BCOR: variants seen among roughly 807,000 people sequenced by gnomAD.
BCOR encodes the protein BCL-6 corepressor.
In BCOR, 10 loss-of-function variants were observed where a neutral mutation model predicts 86.7. The ratio of observed to expected loss-of-function variants is 0.12; its 90% CI spans 0.07 to 0.20. The LOEUF is 0.20. BCOR is among the 10% of genes least tolerant of loss of function. The pLI is 1.00. For synonymous variants in BCOR, 611 were observed against 609.0 expected (o/e 1.00, Z -0.05); for missense variants, 1,259 against 1,452.1 (o/e 0.87, Z 2.16).
In BCOR at chrX:40,161,443, C is replaced by G. The variant is rs1020366751; in HGVS notation, c.-41+15564G>C. Among the ~76,000 whole-genome samples, 5 of 108,300 alleles carry G rather than the reference C, an allele frequency of 4.6e-5. No individual in the cohort carries two copies. In the Admixed American group the frequency reaches 5.0e-4, roughly 11 times the overall value. The allele number at this position is 108,300 out of a possible 115,157, so 94.0% of individuals were successfully genotyped here. A position where few individuals can be genotyped will look rare whatever the true frequency, so the allele number is the denominator to read the frequency against. On this transcript the variant is annotated intron_variant, in intron 1 of 14. Transcript: ENST00000342274. The stretch of plus-strand genomic sequence containing the variant: ...TCAAACCCCTGACCTCGTGATCCGC[C>G]CGCCTCGGCCTCCCAAAGTGCTGGG...
intron 1 of BCOR, among the ~76,000 whole-genome samples, chrX:40,134,537 C>T (rs1181286220): frequency 9.0e-6 from 1 of 111,233 alleles, no homozygotes; most frequent in Non-Finnish European, 1.9e-5. Context: ...GTGGGAGGAT[C>T]ACTTGAGCCC....
rs1403354721 is a variant in BCOR, at chrX:40,074,714, T to C, written c.632A>G (p.Asn211Ser). Reference protein sequence around the residue: ...PAIYPFLDSPNKYSLNMYKAL... With the variant: ...PAIYPFLDSPSKYSLNMYKAL... Reference sequence around the variant, plus strand: ...CTTGTACATGTTCAGTGAATACTTATTTGGCGAGTCGAGGAAAGGGTAGAT... The same window carrying C: ...CTTGTACATGTTCAGTGAATACTTACTTGGCGAGTCGAGGAAAGGGTAGAT... The change falls in exon 4 of 15, where the codon AAT (asparagine) becomes AGT (serine). Residue 211 changes from asparagine to serine, a missense_variant. This residue lies in a region of BCOR where 174 missense variants were observed against 189.3 expected (regional missense o/e 0.92). Coordinates refer to ENST00000378444, the MANE Select transcript of BCOR (RefSeq NM_001123385.2). 3.3e-6 allele frequency: 4 copies of C among 1,211,489 alleles called. No individual in the cohort carries two copies. The highest frequency in any genetic ancestry group is 1.8e-5 in the South Asian group (1 of 56,944).
chrX:40,145,646 G>A (rs1425589085), intron 1 of BCOR, among the ~76,000 whole-genome samples: 1 of 111,902 alleles, frequency 8.9e-6, no homozygotes, highest in Non-Finnish European at 1.9e-5. Context: ...TCAGATAGGG[G>A]TGGGGGTCTC....
chrX:40,100,507 G>A (rs1483780137), upstream of BCOR, among the ~76,000 whole-genome samples: 1 of 111,815 alleles, frequency 8.9e-6, no homozygotes, highest in East Asian at 2.8e-4. Context: ...CCGAGCTCGG[G>A]GCCTGCAGCC....
At chrX:40,133,426 G>A (rs1937623579) in intron 1 of BCOR, among the ~76,000 whole-genome samples, 1 of 104,773 alleles carries the variant, frequency 9.5e-6, no homozygotes, top group Non-Finnish European at 1.9e-5. Context: ...GTGAGCCACC[G>A]CCCCCGGCCA....
chrX:40,172,953 G>C (rs977898006), intron 1 of BCOR, among the ~76,000 whole-genome samples: 3 of 112,944 alleles, frequency 2.7e-5, no homozygotes, highest in Non-Finnish European at 5.6e-5. Context: ...AGGTGGGCCA[G>C]GGGGGCCTTT....
intron 1 of BCOR, among the ~76,000 whole-genome samples, chrX:40,087,120 TG>T (rs1936394314): frequency 8.8e-6 from 1 of 113,275 alleles, no homozygotes; most frequent in African/African-American, 3.2e-5. Context: ...CTGGCCGGGC[TG>T]GGGCCGGGGC....
intron 5 of BCOR, 24 bp from the exon 6 acceptor site, chrX:40,071,183 A>G: frequency 8.6e-7 from 1 of 1,160,751 alleles, no homozygotes; most frequent in Non-Finnish European, 1.2e-6. Context: ...GGAGATGGAA[A>G]AAAAAAAAAA....
intron 1 of BCOR, among the ~76,000 whole-genome samples, chrX:40,130,857 G>A (rs1489402013): frequency 1.8e-5 from 2 of 111,275 alleles, no homozygotes; most frequent in African/African-American, 3.3e-5. Context: ...GCAGCCCCTG[G>A]AACCCAGCCA....
chrX:40,065,250 GA>G (rs1935142460), intron 6 of BCOR, among the ~76,000 whole-genome samples: 1 of 112,512 alleles, frequency 8.9e-6, no homozygotes, highest in Non-Finnish European at 1.9e-5. Flanking sequence ...CTGCTGGGAA[GA>G]GGGGCGTGGC....
chrX:40,123,174 C>G (rs1171339683), intron 1 of BCOR, among the ~76,000 whole-genome samples: 1 of 110,855 alleles, frequency 9.0e-6, no homozygotes, highest in Non-Finnish European at 1.9e-5. Flanking sequence ...GTGAATTCCC[C>G]TTCTAAATGC....
At chrX:40,081,375 G>C (rs907826455) in intron 1 of BCOR, among the ~76,000 whole-genome samples, 7 of 112,269 alleles carry the variant, frequency 6.2e-5, no homozygotes, top group African/African-American at 2.3e-4. Context: ...AACAAAAAGA[G>C]ACTGGGAGGC....
Position 40,057,321 on chromosome X carries a change from C to T in BCOR, c.4429G>A (p.Glu1477Lys). ...TTCTCTAAGCAGTACAGGACCACTT[C>T]CTGTGGGGAGGGGAGGGAAGAATGC... ...LQRAARLGYE[E>K]VVLYCLENKI... The change falls in exon 11 of 15, where the codon GAA becomes AAA. Residue 1477 changes from glutamate (E) to lysine (K), a missense_variant and splice_region_variant. Glu to Lys is a moderately conservative substitution (Grantham distance 56, BLOSUM62 1). Coordinates refer to ENST00000378444, the MANE Select transcript of BCOR (RefSeq NM_001123385.2). 8.3e-7 allele frequency: 1 copy of T among 1,209,720 alleles called. No homozygotes were observed. The highest frequency in any genetic ancestry group is 1.1e-6 in the Non-Finnish European group (1 of 893,940).
intron 1 of BCOR, among the ~76,000 whole-genome samples, chrX:40,091,693 G>A (rs1286491894): frequency 8.8e-6 from 1 of 113,587 alleles, no homozygotes; most frequent in Non-Finnish European, 1.9e-5. Context: ...CCAAGTGCGC[G>A]CGACGAACGC....
chrX:40,139,916 G>A (rs1297350343), intron 1 of BCOR, among the ~76,000 whole-genome samples: 5 of 109,931 alleles, frequency 4.5e-5, no homozygotes, highest in Non-Finnish European at 5.7e-5. Flanking sequence ...TGAGAAATGC[G>A]GGTGGGAGAG....
At chrX:40,165,527 G>A (rs1444755890) in intron 1 of BCOR, among the ~76,000 whole-genome samples, 1 of 112,310 alleles carries the variant, frequency 8.9e-6, no homozygotes, top group African/African-American at 3.2e-5. Context: ...CCCAGAGCCT[G>A]AGACCAAGGC....
chrX:40,108,297 C>T (rs1410907204), intron 1 of BCOR, among the ~76,000 whole-genome samples: 1 of 113,025 alleles, frequency 8.8e-6, no homozygotes, highest in Non-Finnish European at 1.9e-5. Flanking sequence ...CCGTCGGCAG[C>T]GTGGCTTCCC....
chrX:40,114,976 T>C (rs7060409), intron 1 of BCOR, among the ~76,000 whole-genome samples: 23,080 of 106,278 alleles, frequency 0.22, 5,323 homozygotes, highest in African/African-American at 0.68. Flanking sequence ...CCTCAGCCTC[T>C]CATGTAGCTG....
chrX:40,164,724 T>C (rs1253305455), intron 1 of BCOR, among the ~76,000 whole-genome samples: 1 of 112,124 alleles, frequency 8.9e-6, no homozygotes, highest in Non-Finnish European at 1.9e-5. Flanking sequence ...TTGCCTCTCC[T>C]GGAGGGTGCT....
Sources: allele counts gnomAD v4.1 joint callset (sites outside exome capture counted in the v4.1 genomes callset), GRCh38; gene constraint gnomAD v4.1.1; regional missense constraint gnomAD v4.1.1; transcripts MANE v1.5; gene names NCBI Gene and HGNC (gene_info 2026-07-23, HGNC 2026-07-21).